UGT1A10: variants seen among roughly 807,000 people sequenced by gnomAD.
UGT1A10 encodes UDP glucuronosyltransferase family 1 member A10.
A neutral mutation model predicts 45.8 loss-of-function variants in UGT1A10; 49 were observed. The observed-to-expected ratio is 1.07, with a 90% CI of 0.85 to 1.36. The LOEUF (loss-of-function observed/expected upper bound fraction) is 1.36, where lower values mean the gene tolerates loss of function less well. UGT1A10 is among the 40% of genes most tolerant of loss of function. The probability of loss-of-function intolerance (pLI) is 0.00; values close to 1 mark genes in which losing one functional copy is unlikely to be tolerated. For synonymous variants in UGT1A10, 284 were observed against 249.7 expected, an observed-to-expected ratio of 1.14 and a Z score of -1.29; for missense variants, 745 against 668.6, an observed-to-expected ratio of 1.11 and a Z score of -1.26.
intron 1 of UGT1A10, chr2:233,722,006 C>G (rs1031101213): frequency 6.6e-5 from 17 of 257,220 alleles, no homozygotes; most frequent in African/African-American, 2.9e-4. Context: ...TTTAAGTGAA[C>G]AGGAAAACTG....
chr2:233,761,218 C>T (rs1697719268), intron 1 of UGT1A10: 4 of 1,613,576 alleles, frequency 2.5e-6, no homozygotes, highest in Middle Eastern at 1.6e-4. Flanking sequence ...GATCGATTAA[C>T]TAGCCCCAGA....
chr2:233,724,072 G>A (rs1233032648), intron 1 of UGT1A10, among the ~76,000 whole-genome samples: 2 of 94,580 alleles, frequency 2.1e-5, no homozygotes, highest in African/African-American at 6.0e-5. Flanking sequence ...GGTGGTGGCC[G>A]GGCAGAGGGG....
chr2:233,772,878 G>A lies in UGT1A10; in HGVS notation c.*319G>A. ...GAAACATGGCCTGTTTGGGAGTGCG[G>A]GATTCAAAGGTGGTCCCACGGCTGC... is the stretch of plus-strand genomic sequence containing the variant. On this transcript the variant is annotated 3_prime_UTR_variant, in exon 5 of 5. Coordinates refer to ENST00000344644, the MANE Select transcript of UGT1A10 (RefSeq NM_019075.4). 1 of 577,674 alleles carries A rather than the reference G, an allele frequency of 1.7e-6. No individual in the cohort carries two copies. 35.8% of individuals were successfully genotyped at this position (577,674 alleles called of 1,614,324 possible). A position where few individuals can be genotyped will look rare whatever the true frequency, so the allele number is the denominator to read the frequency against.
intron 1 of UGT1A10, among the ~76,000 whole-genome samples, chr2:233,763,126 A>G (rs1210244781): frequency 2.0e-5 from 3 of 152,250 alleles, no homozygotes. Flanking sequence ...CCTTTCTGGC[A>G]TTTATTGATA....
chr2:233,690,111 A>G lies in UGT1A10; in HGVS notation c.855+52734A>G, dbSNP rs552221300. 7.3e-4 allele frequency among the ~76,000 whole-genome samples: 110 copies of G among 151,064 alleles called. 1 individual carries two copies. Among genetic ancestry groups the G allele is most frequent in the African/African-American group, 2.3e-3 (97 of 41,448 alleles). On this transcript the variant is annotated intron_variant, in intron 1 of 4. Coordinates refer to ENST00000344644, the MANE Select transcript of UGT1A10 (RefSeq NM_019075.4). ...AAATTGCTCCTGCATCTTATGTCAC[A>G]TATGTCTTTGTAACTTGGTGAGCTA...
In UGT1A10 at chr2:233,699,991, T is replaced by G. The variant is rs568440591; in HGVS notation, c.855+62614T>G. 2.6e-4 allele frequency among the ~76,000 whole-genome samples: 40 copies of G among 152,294 alleles called. 1 individual carries two copies. Among genetic ancestry groups the G allele is most frequent in the African/African-American group, 8.9e-4 (37 of 41,564 alleles). On this transcript the variant is annotated intron_variant, in intron 1 of 4. Coordinates refer to ENST00000344644, the MANE Select transcript of UGT1A10 (RefSeq NM_019075.4). ...CCCCCAACTCCCAACAAAGAATTACTCTGGCTCAAAATGTCACGAGTGCTG... is the reference window on the plus strand; with the variant it reads ...CCCCCAACTCCCAACAAAGAATTACGCTGGCTCAAAATGTCACGAGTGCTG...
intron 1 of UGT1A10, among the ~76,000 whole-genome samples, chr2:233,761,544 A>G (rs745620081): frequency 8.5e-5 from 13 of 152,226 alleles, no homozygotes; most frequent in Non-Finnish European, 1.6e-4. Context: ...TCATTCTTTG[A>G]TGATGATAGA....
chr2:233,728,143 T>C (rs2077685239), intron 1 of UGT1A10, among the ~76,000 whole-genome samples: 1 of 152,216 alleles, frequency 6.6e-6, no homozygotes, highest in African/African-American at 2.4e-5. Flanking sequence ...CCCCACAAAT[T>C]GTGCAGCCCA....
intron 1 of UGT1A10, among the ~76,000 whole-genome samples, chr2:233,708,083 A>T (rs910036488): frequency 1.3e-5 from 2 of 152,164 alleles, no homozygotes; most frequent in African/African-American, 4.8e-5. Context: ...TTTTACTTTT[A>T]TTCAAACGAA....
At chr2:233,728,228 C>T (rs1162428400) in intron 1 of UGT1A10, among the ~76,000 whole-genome samples, 1 of 152,188 alleles carries the variant, frequency 6.6e-6, no homozygotes. Flanking sequence ...CCATAATCTT[C>T]AGGATGAAAT....
At chr2:233,662,508 C>G (rs1023594396) in intron 1 of UGT1A10, among the ~76,000 whole-genome samples, 1 of 152,128 alleles carries the variant, frequency 6.6e-6, no homozygotes, top group Non-Finnish European at 1.5e-5. Context: ...CCATGCTAAA[C>G]TTACTTATTT....
intron 1 of UGT1A10, among the ~76,000 whole-genome samples, chr2:233,671,573 CA>C (rs897589479): frequency 4.6e-5 from 7 of 151,778 alleles, no homozygotes; most frequent in African/African-American, 1.2e-4. Flanking sequence ...GGACAAATTC[CA>C]AAAAAAATTA....
At chr2:233,750,245 C>A (rs1694403636) in intron 1 of UGT1A10, among the ~76,000 whole-genome samples, 1 of 151,900 alleles carries the variant, frequency 6.6e-6, no homozygotes, top group South Asian at 2.1e-4. Context: ...GGAACTGGAA[C>A]AAAGGTCACC....
chr2:233,684,222 C>T (rs1240713446), intron 1 of UGT1A10, among the ~76,000 whole-genome samples: 2 of 152,110 alleles, frequency 1.3e-5, no homozygotes, highest in Non-Finnish European at 2.9e-5. Flanking sequence ...GAAAATGCAA[C>T]CAAGCGCTTT....
intron 1 of UGT1A10, among the ~76,000 whole-genome samples, chr2:233,712,117 G>T (rs1456022041): frequency 6.6e-6 from 1 of 152,198 alleles, no homozygotes; most frequent in Non-Finnish European, 1.5e-5. Flanking sequence ...AAGCAGACTT[G>T]CAGAAGACTG....
rs936564729 is a variant in UGT1A10, at chr2:233,733,619, C to T, written c.856-33415C>T. ...GTGATGGATTACATTTATTGATTTG[C>T]ATATGTTGAACCAGCCTTGCATCCC... On this transcript the variant is annotated intron_variant, in intron 1 of 4. Coordinates refer to ENST00000344644, the MANE Select transcript of UGT1A10 (RefSeq NM_019075.4). Among the ~76,000 whole-genome samples, 7 of 152,296 alleles carry T rather than the reference C, an allele frequency of 4.6e-5. No homozygotes were observed. In the Middle Eastern group the frequency reaches 0.014, roughly 296 times the overall value.
chr2:233,766,892 A>G (rs576495684), intron 1 of UGT1A10, 142 bp from the exon 2 acceptor site: 332 of 1,471,416 alleles, frequency 2.3e-4, no homozygotes, highest in Admixed American at 7.8e-4. Context: ...AAACTTACAT[A>G]TTAATAATTT....
intron 1 of UGT1A10, among the ~76,000 whole-genome samples, chr2:233,737,662 C>T (rs972377767): frequency 1.3e-5 from 2 of 152,186 alleles, no homozygotes; most frequent in East Asian, 1.9e-4. Flanking sequence ...AGCTGCAGAT[C>T]GGAGCTGTTC....
At chr2:233,681,977 G>A in intron 1 of UGT1A10, 1 of 1,614,190 alleles carries the variant, frequency 6.2e-7, no homozygotes, top group East Asian at 2.2e-5. Flanking sequence ...TCCCCTATAT[G>A]TGTGTCTACT....
Sources: allele counts gnomAD v4.1 joint callset (sites outside exome capture counted in the v4.1 genomes callset), GRCh38; gene constraint gnomAD v4.1.1; transcripts MANE v1.5; gene names NCBI Gene and HGNC (gene_info 2026-07-23, HGNC 2026-07-21).